Variants in ARL15 observed in about 807,000 individuals in gnomAD.
ARL15 encodes ADP-ribosylation factor-like protein 15.
ARL15 carries 19 observed loss-of-function variants against 25.2 expected under a neutral mutation model. That is an observed-to-expected ratio of 0.75 (90% CI 0.53 to 1.10). The LOEUF is 1.10. Ranked by LOEUF, ARL15 falls within the 50% of genes least tolerant of loss-of-function variation. ARL15 has a pLI of 0.00. For missense variants in ARL15, 220 were observed against 246.0 expected, an observed-to-expected ratio of 0.89 and a Z score of 0.71; for synonymous variants, 94 against 86.8, an observed-to-expected ratio of 1.08 and a Z score of -0.46.
At chr5:54,101,943 T>G (rs920925188) in intron 4 of ARL15, among the ~76,000 whole-genome samples, 1 of 152,080 alleles carries the variant, frequency 6.6e-6, no homozygotes, top group African/African-American at 2.4e-5. Flanking sequence ...ATTTACATAT[T>G]AAACATTTAA....
chr5:54,175,890 G>A (rs1272719432), intron 1 of ARL15, among the ~76,000 whole-genome samples: 1 of 152,078 alleles, frequency 6.6e-6, no homozygotes, highest in East Asian at 1.9e-4. Context: ...GAGCTCAGGT[G>A]ATCCACTCAC....
At position 53,884,847 on chromosome 5, in the gene ARL15, G is replaced by A. The variant is rs886192826; in HGVS notation, c.*1714C>T. 6.6e-6 allele frequency: 1 copy of A among 152,548 alleles called. No individual in the cohort carries two copies. The highest frequency in any genetic ancestry group is 1.5e-5 in the Non-Finnish European group (1 of 68,012). 9.4% of individuals were successfully genotyped at this position (152,548 alleles called of 1,614,324 possible). A position where few individuals can be genotyped will look rare whatever the true frequency, so the allele number is the denominator to read the frequency against. The stretch of plus-strand genomic sequence containing the variant: ...ACAGGACAAAATAAAAACAGGAATT[G>A]TGTAACTGGTCATCGGAATAAAAGT... On this transcript the variant is annotated 3_prime_UTR_variant, in exon 5 of 5. Transcript: ENST00000504924.
intron 4 of ARL15, among the ~76,000 whole-genome samples, chr5:53,958,465 C>G (rs1747245299): frequency 6.6e-6 from 1 of 152,100 alleles, no homozygotes; most frequent in Non-Finnish European, 1.5e-5. Context: ...ATACATTCCA[C>G]TAAAACATCA....
In ARL15 at chr5:53,903,409, A is replaced by G. The variant is rs541684025; in HGVS notation, c.463-16696T>C. Among the ~76,000 whole-genome samples the G allele has an allele frequency of 2.5e-3, 381 of 152,282 alleles. 4 individuals carry two copies. Among genetic ancestry groups the G allele is most frequent in the African/African-American group, 8.7e-3 (363 of 41,566 alleles). On this transcript the variant is annotated intron_variant, in intron 4 of 4. Coordinates refer to ENST00000504924, the MANE Select transcript of ARL15 (RefSeq NM_019087.3). ...ATAACAGGGGGTGGGGAAGCAGAGC[A>G]GGTGGTTACTACCAGCATCTAGTGG...
At chr5:53,913,074 A>T (rs1463798800) in intron 4 of ARL15, among the ~76,000 whole-genome samples, 1 of 152,150 alleles carries the variant, frequency 6.6e-6, no homozygotes, top group Non-Finnish European at 1.5e-5. Context: ...CTGACGCAGG[A>T]AGGTCACTTG....
At chr5:53,949,702 T>A (rs1746880573) in intron 4 of ARL15, among the ~76,000 whole-genome samples, 1 of 152,196 alleles carries the variant, frequency 6.6e-6, no homozygotes, top group Non-Finnish European at 1.5e-5. Context: ...AGAGTTAACC[T>A]CTTATATTTT....
chr5:54,050,681 T>G (rs554288242), intron 4 of ARL15, among the ~76,000 whole-genome samples: 21 of 152,288 alleles, frequency 1.4e-4, no homozygotes, highest in African/African-American at 4.8e-4. Context: ...ATTTTAAAAT[T>G]TCATGATCAG....
intron 1 of ARL15, among the ~76,000 whole-genome samples, chr5:54,210,649 A>C (rs1023526989): frequency 6.6e-6 from 1 of 152,194 alleles, no homozygotes; most frequent in African/African-American, 2.4e-5. Context: ...TTCTGACTAA[A>C]GTATGTTGAT....
chr5:54,250,056 A>G (rs2112596823), intron 1 of ARL15, among the ~76,000 whole-genome samples: 1 of 152,318 alleles, frequency 6.6e-6, no homozygotes, highest in Admixed American at 6.5e-5. Context: ...TACAGGAAGC[A>G]TGGCACTGGC....
intron 1 of ARL15, among the ~76,000 whole-genome samples, chr5:54,275,159 G>T (rs1405296130): frequency 6.6e-6 from 1 of 152,212 alleles, no homozygotes; most frequent in East Asian, 1.9e-4. Flanking sequence ...TGCTCATTCA[G>T]TGTGTGCCTG....
intron 1 of ARL15, among the ~76,000 whole-genome samples, chr5:54,255,448 G>A (rs916148110): frequency 6.6e-6 from 1 of 152,112 alleles, no homozygotes; most frequent in Admixed American, 6.5e-5. Context: ...AAATCCACAA[G>A]ATACTTTATC....
At chr5:54,119,557 C>G (rs1039895636) in intron 3 of ARL15, among the ~76,000 whole-genome samples, 2 of 152,142 alleles carry the variant, frequency 1.3e-5, no homozygotes, top group Non-Finnish European at 2.9e-5. Context: ...CTACTCTGCT[C>G]AAAAACATTA....
chr5:54,213,057 T>C (rs1756088773), intron 1 of ARL15, among the ~76,000 whole-genome samples: 1 of 152,208 alleles, frequency 6.6e-6, no homozygotes, highest in Non-Finnish European at 1.5e-5. Flanking sequence ...CAGTTAAAAT[T>C]TCCTCCTAAA....
At chr5:53,928,599 C>G (rs1746103227) in intron 4 of ARL15, among the ~76,000 whole-genome samples, 1 of 152,136 alleles carries the variant, frequency 6.6e-6, no homozygotes, top group Non-Finnish European at 1.5e-5. Context: ...ATATTGATAT[C>G]CATTCATAAT....
At chr5:54,016,137 C>G (rs1749419940) in intron 4 of ARL15, among the ~76,000 whole-genome samples, 1 of 152,104 alleles carries the variant, frequency 6.6e-6, no homozygotes, top group South Asian at 2.1e-4. Flanking sequence ...GGTTTTTCTC[C>G]TGTTAATCTG....
intron 4 of ARL15, among the ~76,000 whole-genome samples, chr5:53,969,996 G>A (rs1676929816): frequency 1.3e-5 from 2 of 152,296 alleles, no homozygotes; most frequent in Admixed American, 6.5e-5. Flanking sequence ...GTGATTGCAT[G>A]CTGGATAAAA....
chr5:54,196,216 G>C (rs187502821), intron 1 of ARL15, among the ~76,000 whole-genome samples: 100 of 152,202 alleles, frequency 6.6e-4, no homozygotes, highest in African/African-American at 2.3e-3. Context: ...TCTCAACATA[G>C]ATGAACTTAC....
chr5:54,305,744 GTC>G (rs748149070), intron 1 of ARL15, among the ~76,000 whole-genome samples: 33 of 151,980 alleles, frequency 2.2e-4, no homozygotes, highest in African/African-American at 5.1e-4. Context: ...TATGAATGTG[GTC>G]TCTCTCTCTC....
intron 3 of ARL15, among the ~76,000 whole-genome samples, chr5:54,147,204 T>A (rs1486436165): frequency 2.0e-5 from 3 of 152,284 alleles, no homozygotes; most frequent in African/African-American, 7.2e-5. Context: ...CAAAAAGGCC[T>A]GGTTCTTTTC....
Sources: gnomAD v4.1 joint callset for allele counts (sites outside exome capture counted in the v4.1 genomes callset) on GRCh38, gnomAD v4.1.1 for gene constraint, MANE v1.5 for transcripts, NCBI Gene and HGNC (gene_info 2026-07-23, HGNC 2026-07-21) for gene names.